Variants in HIKESHI observed in about 807,000 individuals in gnomAD.
HIKESHI encodes the protein protein Hikeshi.
In HIKESHI, 13 loss-of-function variants were observed where a neutral mutation model predicts 25.7. That is an observed-to-expected ratio of 0.51 (90% CI 0.33 to 0.80). The LOEUF (loss-of-function observed/expected upper bound fraction) is 0.80. Ranked by LOEUF, HIKESHI falls within the 30% of genes least tolerant of loss-of-function variation. HIKESHI has a pLI of 0.02. For synonymous variants in HIKESHI, 76 were observed against 78.7 expected, an observed-to-expected ratio of 0.97 and a Z score of 0.18; for missense variants, 174 against 229.5, an observed-to-expected ratio of 0.76 and a Z score of 1.56.
At chr11:86,310,927 G>A (rs1488362454) in intron 2 of HIKESHI, among the ~76,000 whole-genome samples, 1 of 152,154 alleles carries the variant, frequency 6.6e-6, no homozygotes, top group Non-Finnish European at 1.5e-5. Context: ...TGATCATGGT[G>A]GATAAGCTTT....
At chr11:86,304,594 G>A (rs951339687) in intron 1 of HIKESHI, among the ~76,000 whole-genome samples, 7 of 144,410 alleles carry the variant, frequency 4.8e-5, no homozygotes, top group African/African-American at 7.8e-5. Flanking sequence ...TCTGCTCATC[G>A]CAACCTCCGC....
intron 1 of HIKESHI, chr11:86,303,403 G>C: frequency 1.0e-6 from 1 of 984,130 alleles, no homozygotes; most frequent in Non-Finnish European, 1.2e-6. Flanking sequence ...GCCTCATAAA[G>C]TTTGTCTCTT....
chr11:86,332,390 C>T (rs533225319), intron 2 of HIKESHI, among the ~76,000 whole-genome samples: 1 of 152,036 alleles, frequency 6.6e-6, no homozygotes, highest in South Asian at 2.1e-4. Flanking sequence ...ATTGGTACTT[C>T]ATGAGTTTTA....
chr11:86,327,603 C>T (rs1304643140), intron 2 of HIKESHI, among the ~76,000 whole-genome samples: 3 of 151,894 alleles, frequency 2.0e-5, no homozygotes, highest in Non-Finnish European at 2.9e-5. Flanking sequence ...CATGAGCCAC[C>T]GCGCCCAGCC....
chr11:86,306,229 GT>G lies in HIKESHI; in HGVS notation c.31-13del, dbSNP rs1565717826. 2 of 1,576,142 alleles carry G rather than the reference GT, an allele frequency of 1.3e-6. No individual in the cohort carries two copies. The highest frequency in any genetic ancestry group is 4.5e-5 in the East Asian group (2 of 44,580). On this transcript the variant is annotated splice_polypyrimidine_tract_variant and intron_variant, in intron 1 of 4. Transcript: ENST00000278483. ...TCATAGAACCATTGAACTGAGACAA[GT>G]TTCTTATTTTCTAGGTGCAAACAGC...
At chr11:86,318,040 C>T (rs1298398202) in intron 2 of HIKESHI, among the ~76,000 whole-genome samples, 1 of 152,036 alleles carries the variant, frequency 6.6e-6, no homozygotes, top group Non-Finnish European at 1.5e-5. Flanking sequence ...TGCAGTGGCT[C>T]ACGCCTGTAA....
At chr11:86,311,023 C>CT (rs1946819681) in intron 2 of HIKESHI, among the ~76,000 whole-genome samples, 1 of 152,198 alleles carries the variant, frequency 6.6e-6, no homozygotes, top group Middle Eastern at 3.4e-3. Context: ...CTAAAATTCT[C>CT]TTTTTTTGTT....
intron 1 of HIKESHI, among the ~76,000 whole-genome samples, chr11:86,304,509 T>G (rs1042735797): frequency 6.8e-6 from 1 of 146,872 alleles, no homozygotes; most frequent in Non-Finnish European, 1.5e-5. Context: ...GTTGCACAAC[T>G]CACTTTTTTT....
chr11:86,303,387 T>C (rs1340452921), intron 1 of HIKESHI: 1 of 982,620 alleles, frequency 1.0e-6, no homozygotes, highest in Admixed American at 6.2e-5. Flanking sequence ...AAGTTGGAGA[T>C]GACTAGCCTC....
chr11:86,308,849 T>A (rs1946756338), intron 2 of HIKESHI, among the ~76,000 whole-genome samples: 1 of 152,178 alleles, frequency 6.6e-6, no homozygotes, highest in African/African-American at 2.4e-5. Flanking sequence ...GATAGTTTGC[T>A]CAGAATGATG....
rs569360397 is a variant in HIKESHI, at chr11:86,315,087, C to T, written c.268+8605C>T. 5.9e-5 allele frequency among the ~76,000 whole-genome samples: 9 copies of T among 152,242 alleles called. 1 individual carries two copies. Among genetic ancestry groups the T allele is most frequent in the African/African-American group, 1.4e-4 (6 of 41,554 alleles). On this transcript the variant is annotated intron_variant, in intron 2 of 4. Transcript: ENST00000278483. ...GTCTCTTAAATCATTTTTTATTCTT[C>T]GCTTTGGTTGTGCCTAGAAGTAGAC... is the stretch of plus-strand genomic sequence containing the variant.
intron 3 of HIKESHI, among the ~76,000 whole-genome samples, chr11:86,338,741 GT>G (rs988583119): frequency 3.3e-5 from 5 of 151,712 alleles, no homozygotes; most frequent in African/African-American, 7.3e-5. Context: ...TCTCAAAAAT[GT>G]TTTTTTTCCC....
chr11:86,311,827 C>T (rs1469677607), intron 2 of HIKESHI, among the ~76,000 whole-genome samples: 2 of 152,122 alleles, frequency 1.3e-5, no homozygotes, highest in Non-Finnish European at 2.9e-5. Context: ...ACCCAGTAGT[C>T]GTTCAGGAGC....
intron 3 of HIKESHI, among the ~76,000 whole-genome samples, chr11:86,341,351 AT>A (rs59055222): frequency 0.62 from 94,148 of 151,722 alleles, 29,375 homozygotes; most frequent in East Asian, 0.79. Flanking sequence ...ATTTTTCCTC[AT>A]TTTTTTCCTT....
At chr11:86,313,011 T>G (rs1312211326) in intron 2 of HIKESHI, among the ~76,000 whole-genome samples, 2 of 152,180 alleles carry the variant, frequency 1.3e-5, no homozygotes, top group African/African-American at 4.8e-5. Context: ...CATTTCAGCT[T>G]TGGTGAATCT....
At chr11:86,343,156 T>C (rs998755913) in intron 3 of HIKESHI, among the ~76,000 whole-genome samples, 1 of 152,206 alleles carries the variant, frequency 6.6e-6, no homozygotes, top group African/African-American at 2.4e-5. Flanking sequence ...TTAGTAGTCT[T>C]TATAATATTT....
intron 2 of HIKESHI, among the ~76,000 whole-genome samples, chr11:86,321,121 G>T (rs946474812): frequency 2.0e-5 from 3 of 152,044 alleles, no homozygotes; most frequent in Non-Finnish European, 4.4e-5. Context: ...TTTTAGTAGA[G>T]ACGAGGTTTC....
Position 86,306,372 on chromosome 11 carries a change from C to G in HIKESHI, c.158C>G (p.Ser53Cys), listed in dbSNP as rs1474550047. 6.2e-7 allele frequency: 1 copy of G among 1,613,648 alleles called. No individual in the cohort carries two copies. Among genetic ancestry groups the G allele is most frequent in the Non-Finnish European group, 8.5e-7 (1 of 1,179,642 alleles). Residue 53 changes from serine to cysteine, a missense_variant, in exon 2 of 5, where the codon TCT becomes TGT. Physicochemically the swap from Ser to Cys is moderately radical, Grantham distance 112. Coordinates refer to ENST00000278483, the MANE Select transcript of HIKESHI (RefSeq NM_016401.4). ...CCATTTCCTGAGGGAATGGGAGGAT[C>G]TGTCTACTTTTCTTATCCTGATTCA... The part of the protein sequence containing the change: ...TIPFPEGMGG[S>C]VYFSYPDSNG...
intron 2 of HIKESHI, among the ~76,000 whole-genome samples, chr11:86,311,946 C>G (rs1034517386): frequency 3.1e-4 from 47 of 151,954 alleles, no homozygotes; most frequent in African/African-American, 1.1e-3. Context: ...AATTTTTTTT[C>G]TTTTACATTT....
Sources: allele counts gnomAD v4.1 joint callset (sites outside exome capture counted in the v4.1 genomes callset), GRCh38; gene constraint gnomAD v4.1.1; transcripts MANE v1.5; gene names NCBI Gene and HGNC (gene_info 2026-07-23, HGNC 2026-07-21).